The following HSPA12A variants were observed in gnomAD, a reference collection of about 807,000 sequenced individuals.
The protein encoded by HSPA12A is heat shock protein family A (Hsp70) member 12A.
Under a neutral mutation model 69.2 loss-of-function variants are expected in HSPA12A, and 28 were observed. The ratio of observed to expected loss-of-function variants is 0.40; its 90% CI spans 0.30 to 0.55. HSPA12A has a LOEUF of 0.55. Ranked by LOEUF, HSPA12A falls within the 20% of genes least tolerant of loss-of-function variation. The pLI is 0.38. For synonymous variants in HSPA12A, 345 were observed against 370.5 expected (o/e 0.93, Z 0.79); for missense variants, 686 against 900.7 (o/e 0.76, Z 3.05).
chr10:116,727,919 G>A (rs531061868), intron 1 of HSPA12A, among the ~76,000 whole-genome samples: 8 of 88,112 alleles, frequency 9.1e-5, no homozygotes, highest in South Asian at 4.8e-4. Flanking sequence ...CACCATGCCC[G>A]ACTAATTTTT....
At chr10:116,743,680 G>A (rs1235276028), upstream of HSPA12A, among the ~76,000 whole-genome samples, 1 of 151,104 alleles carries the variant, frequency 6.6e-6, no homozygotes, top group African/African-American at 2.5e-5. Context: ...CGTTCTGGAT[G>A]ACGGAGTGGG....
intron 1 of HSPA12A, among the ~76,000 whole-genome samples, chr10:116,737,479 C>T (rs571730881): frequency 3.3e-5 from 5 of 152,318 alleles, no homozygotes; most frequent in South Asian, 4.2e-4. Context: ...CTCCCTCATC[C>T]GTCTTGAGGC....
At position 116,686,516 on chromosome 10, in the gene HSPA12A, G is replaced by A. The variant is rs1166438844; in HGVS notation, c.664-2554C>T. ...TGGGGATGGCAGTAGACCCATGAGTGGAGCCCAAGGAGTTGGTGTGAAGGA... is the reference window on the plus strand; with the variant it reads ...TGGGGATGGCAGTAGACCCATGAGTAGAGCCCAAGGAGTTGGTGTGAAGGA... On this transcript the variant is annotated intron_variant, in intron 6 of 11. Coordinates refer to ENST00000369209, the MANE Select transcript of HSPA12A (RefSeq NM_025015.3). This position sits in a 1 kb window ranked among gnomAD's most constrained non-coding sequence, Gnocchi z 4.1. Among the ~76,000 whole-genome samples, 7 of 152,224 alleles carry A rather than the reference G, an allele frequency of 4.6e-5. No individual in the cohort carries two copies. Among genetic ancestry groups the A allele is most frequent in the Non-Finnish European group, 8.8e-5 (6 of 68,046 alleles).
chr10:116,816,354 G>A (rs1162016442), intron 2 of HSPA12A, among the ~76,000 whole-genome samples: 1 of 152,228 alleles, frequency 6.6e-6, no homozygotes, highest in African/African-American at 2.4e-5. Flanking sequence ...ACCTGGCCTG[G>A]TCTCTGGCAC....
intron 2 of HSPA12A, among the ~76,000 whole-genome samples, chr10:116,774,443 AG>A (rs1554890884): frequency 1.3e-5 from 2 of 152,216 alleles, no homozygotes; most frequent in Non-Finnish European, 2.9e-5. Context: ...GGCACTTAAT[AG>A]AAATGCAAAT....
chr10:116,817,690 T>C (rs1845332575), intron 2 of HSPA12A, among the ~76,000 whole-genome samples: 1 of 151,552 alleles, frequency 6.6e-6, no homozygotes. Flanking sequence ...TCACCCAAAG[T>C]CCCCCAAAAA....
chr10:116,674,832 A>G lies in HSPA12A; in HGVS notation c.1977T>C (p.Asp659=). 1.9e-6 allele frequency: 3 copies of G among 1,613,556 alleles called. No homozygotes were observed. Among genetic ancestry groups the G allele is most frequent in the East Asian group, 2.2e-5 (1 of 44,862 alleles). ...CTTTGACACTCTTCGAAGTGGCTAT[A>G]TCAATGGCTGTGGCTTTGATCTCGG... ...GDTEIKATAI[D]IATSKSVKVG... The change falls in exon 12 of 12, where the codon GAT becomes GAC. Residue 659 remains aspartate (D), a synonymous_variant. Transcript: ENST00000369209.
chr10:116,726,027 G>GCACACACACACACA (rs71013613), intron 1 of HSPA12A, among the ~76,000 whole-genome samples: 3,920 of 146,100 alleles, frequency 0.027, 74 homozygotes, highest in Middle Eastern at 0.062. Context: ...ACACACACAC[G>GCACACACACACACA]CACACACACA....
chr10:116,849,892 G>C (rs756747638), upstream of HSPA12A: 54 of 852,390 alleles, frequency 6.3e-5, no homozygotes, highest in Non-Finnish European at 9.9e-5. Context: ...GGGAAGGAGC[G>C]GGAAGGACAC....
At chr10:116,677,490 T>A (rs1377676502) in intron 10 of HSPA12A, among the ~76,000 whole-genome samples, 1 of 151,964 alleles carries the variant, frequency 6.6e-6, no homozygotes, top group Non-Finnish European at 1.5e-5. Flanking sequence ...AGTGGGAGGG[T>A]TGACAGGCCC....
Position 116,676,514 on chromosome 10 carries a change from T to C in HSPA12A, c.1287-12A>G, listed in dbSNP as rs781991730. On this transcript the variant is annotated splice_polypyrimidine_tract_variant and intron_variant, in intron 10 of 11. Transcript: ENST00000369209. ...TCACAAAATCCACACTGCAGGAGCA[T>C]AGCATGGAGAAGAGCAGGCAGTGAG... 12 of 1,606,178 alleles carry C rather than the reference T, an allele frequency of 7.5e-6. No individual in the cohort carries two copies. The highest frequency in any genetic ancestry group is 9.4e-6 in the Non-Finnish European group (11 of 1,173,262).
At chr10:116,846,157 T>C (rs1320690608) in intron 1 of HSPA12A, among the ~76,000 whole-genome samples, 3 of 152,108 alleles carry the variant, frequency 2.0e-5, no homozygotes, top group South Asian at 4.1e-4. Flanking sequence ...ACTGGGATGG[T>C]AGTTTCTATT....
intron 2 of HSPA12A, chr10:116,750,201 C>A: frequency 1.4e-6 from 1 of 700,140 alleles, no homozygotes; most frequent in Non-Finnish European, 2.6e-6. Context: ...GCACATTGTC[C>A]TGGCCTGCTG....
intron 1 of HSPA12A, among the ~76,000 whole-genome samples, chr10:116,730,958 G>A (rs116865054): frequency 0.013 from 1,935 of 152,308 alleles, 20 homozygotes; most frequent in Non-Finnish European, 0.021. Flanking sequence ...GGGAGAAGCC[G>A]AGGAGCTTGG....
intron 6 of HSPA12A, among the ~76,000 whole-genome samples, chr10:116,689,622 CAG>C (rs1849676865): frequency 6.7e-6 from 1 of 149,086 alleles, no homozygotes; most frequent in South Asian, 2.1e-4. Flanking sequence ...CACAGACAGA[CAG>C]ACAGACAGAC....
At chr10:116,822,514 G>A (rs1044996033) in intron 2 of HSPA12A, among the ~76,000 whole-genome samples, 2 of 152,210 alleles carry the variant, frequency 1.3e-5, no homozygotes, top group Admixed American at 6.5e-5. Context: ...CGGTAGAAAT[G>A]AGGGAGATCA....
chr10:116,793,405 T>C (rs1265961121), intron 2 of HSPA12A, among the ~76,000 whole-genome samples: 6 of 152,166 alleles, frequency 3.9e-5, no homozygotes, highest in Admixed American at 6.5e-5. Flanking sequence ...ACCCTGTCTC[T>C]ACAAAAGATA....
intron 7 of HSPA12A, among the ~76,000 whole-genome samples, chr10:116,682,455 T>TC (rs1227112075): frequency 1.6e-5 from 2 of 127,600 alleles, no homozygotes; most frequent in African/African-American, 5.9e-5. Context: ...GTAAATAGAC[T>TC]GGGGGGGGGG....
At chr10:116,734,078 G>A (rs1308596618) in intron 1 of HSPA12A, among the ~76,000 whole-genome samples, 1 of 152,020 alleles carries the variant, frequency 6.6e-6, no homozygotes, top group Admixed American at 6.6e-5. Flanking sequence ...AAACAGTAAC[G>A]GAGCACTCAC....
Sources: gnomAD v4.1 joint callset for allele counts (sites outside exome capture counted in the v4.1 genomes callset) on GRCh38, gnomAD v4.1.1 for gene constraint, Gnocchi (gnomAD v3.1) non-coding constraint, MANE v1.5 for transcripts, NCBI Gene and HGNC (gene_info 2026-07-23, HGNC 2026-07-21) for gene names.